The following RBFOX2 variants were observed in gnomAD, a reference collection of about 807,000 sequenced individuals.
RBFOX2 encodes the protein RNA binding fox-1 homolog 2, also known as RNA binding protein fox-1 homolog 2.
A neutral mutation model predicts 49.1 loss-of-function variants in RBFOX2; 10 were observed. The observed-to-expected ratio is 0.20, with a 90% CI of 0.13 to 0.35. The LOEUF is 0.35. RBFOX2 is among the 10% of genes least tolerant of loss of function. RBFOX2 has a pLI of 1.00. For missense variants in RBFOX2, 323 were observed against 486.9 expected (o/e 0.66, Z 3.17); for synonymous variants, 183 against 187.4 (o/e 0.98, Z 0.19).
intron 2 of RBFOX2, among the ~76,000 whole-genome samples, chr22:35,787,153 C>A (rs1041318906): frequency 6.6e-6 from 1 of 152,156 alleles, no homozygotes; most frequent in African/African-American, 2.4e-5. Flanking sequence ...GATCCTCCTG[C>A]CTTAGCCTCC....
At chr22:35,944,110 C>G (rs1015175167) in intron 1 of RBFOX2, among the ~76,000 whole-genome samples, 4 of 152,214 alleles carry the variant, frequency 2.6e-5, no homozygotes, top group African/African-American at 9.6e-5. Context: ...CTTTGAGAAA[C>G]ATAGTGCTGG....
At chr22:35,882,994 C>T (rs1280113239) in intron 1 of RBFOX2, among the ~76,000 whole-genome samples, 1 of 152,172 alleles carries the variant, frequency 6.6e-6, no homozygotes, top group Non-Finnish European at 1.5e-5. Context: ...TTGGGGGGCA[C>T]AAAAGAGTCA....
At chr22:35,953,521 G>T (rs752558969) in intron 1 of RBFOX2, among the ~76,000 whole-genome samples, 1 of 152,158 alleles carries the variant, frequency 6.6e-6, no homozygotes, top group African/African-American at 2.4e-5. Flanking sequence ...CAGGATGATT[G>T]CTTAATGGAT....
intron 1 of RBFOX2, among the ~76,000 whole-genome samples, chr22:35,876,393 T>C (rs988774875): frequency 2.2e-4 from 33 of 152,038 alleles, no homozygotes; most frequent in Non-Finnish European, 2.9e-5. Context: ...GTGGTCTTTA[T>C]TTCTGAAATG....
chr22:35,914,069 G>C (rs889034073), intron 1 of RBFOX2, among the ~76,000 whole-genome samples: 1 of 152,138 alleles, frequency 6.6e-6, no homozygotes, highest in Admixed American at 6.5e-5. Flanking sequence ...AGGAGTTAAA[G>C]AATATCAGAG....
chr22:35,998,609 TC>T (rs1603464338), intron 1 of RBFOX2: 1 of 152,342 alleles, frequency 6.6e-6, no homozygotes, highest in East Asian at 1.9e-4. Flanking sequence ...ACTCCTGACC[TC>T]AGGTGATCCA....
intron 1 of RBFOX2, chr22:35,898,466 C>G: frequency 2.4e-6 from 1 of 409,732 alleles, no homozygotes; most frequent in South Asian, 2.3e-5. Flanking sequence ...CACTCTGTAG[C>G]CCAGGCTGCA....
chr22:35,829,455 G>T (rs992211921), intron 1 of RBFOX2, among the ~76,000 whole-genome samples: 3 of 151,828 alleles, frequency 2.0e-5, no homozygotes, highest in African/African-American at 7.3e-5. Context: ...TATAATCTGA[G>T]ATTTAAAAAA....
intron 2 of RBFOX2, among the ~76,000 whole-genome samples, chr22:35,804,133 C>G (rs941670342): frequency 6.6e-6 from 1 of 152,056 alleles, no homozygotes; most frequent in African/African-American, 2.4e-5. Flanking sequence ...CAAAAATGAG[C>G]TGGGCATGGT....
At chr22:35,787,887 C>T (rs1946752612) in intron 2 of RBFOX2, among the ~76,000 whole-genome samples, 1 of 152,178 alleles carries the variant, frequency 6.6e-6, no homozygotes, top group African/African-American at 2.4e-5. Flanking sequence ...AGTCCGTTCA[C>T]CGACAGTTTA....
intron 1 of RBFOX2, among the ~76,000 whole-genome samples, chr22:36,015,809 A>C (rs1379032333): frequency 6.6e-6 from 1 of 152,250 alleles, no homozygotes; most frequent in East Asian, 1.9e-4. Flanking sequence ...ACCCGAAATT[A>C]TTACTTACCC....
At chr22:35,905,572 C>T (rs757641880) in intron 1 of RBFOX2, among the ~76,000 whole-genome samples, 7 of 152,182 alleles carry the variant, frequency 4.6e-5, no homozygotes, top group Non-Finnish European at 1.0e-4. Context: ...GGTTAGGATA[C>T]TCAGCCATGA....
chr22:35,839,861 T>C (rs1958410076), intron 1 of RBFOX2, among the ~76,000 whole-genome samples: 1 of 152,188 alleles, frequency 6.6e-6, no homozygotes, highest in Non-Finnish European at 1.5e-5. Flanking sequence ...AATCTCTTCC[T>C]ACCTCTGCAG....
intron 1 of RBFOX2, among the ~76,000 whole-genome samples, chr22:35,873,681 A>G (rs994584359): frequency 1.3e-5 from 2 of 152,084 alleles, no homozygotes; most frequent in African/African-American, 4.8e-5. Flanking sequence ...TGCCACTGAG[A>G]CTGCAGAACA....
rs1289842750 is a variant in RBFOX2, at chr22:35,977,722, C to CTATAGATATATATA, written c.187-38826_187-38825insTATATATATCTATA. On this transcript the variant is annotated intron_variant, in intron 1 of 13. Transcript: ENST00000438146. ...TGCATGTAAATTATACCTGAATGAA[C>CTATAGATATATATA]TATATATATATATATATATATATAT... Among the ~76,000 whole-genome samples, 48 of 80,876 alleles carry CTATAGATATATATA rather than the reference C, an allele frequency of 5.9e-4. 2 individuals carry two copies. The highest frequency in any genetic ancestry group is 7.0e-3 in the Middle Eastern group (1 of 142). 53.1% of individuals were successfully genotyped at this position (80,876 alleles called of 152,430 possible). A position where few individuals can be genotyped will look rare whatever the true frequency, so the allele number is the denominator to read the frequency against.
intron 1 of RBFOX2, among the ~76,000 whole-genome samples, chr22:35,876,466 G>A (rs755262741): frequency 7.9e-5 from 12 of 151,780 alleles, no homozygotes; most frequent in South Asian, 2.1e-4. Context: ...TCCTTGTAAC[G>A]TTTATTAATA....
intron 2 of RBFOX2, among the ~76,000 whole-genome samples, chr22:35,802,483 C>CT (rs1241891748): frequency 6.6e-6 from 1 of 152,132 alleles, no homozygotes; most frequent in East Asian, 1.9e-4. Flanking sequence ...ATTGCTTAAA[C>CT]TTAGGGGCAA....
chr22:35,795,628 CAAAAAAAAAAA>C (rs139555281), intron 2 of RBFOX2, among the ~76,000 whole-genome samples: 6 of 33,570 alleles, frequency 1.8e-4, no homozygotes, highest in African/African-American at 2.3e-4. Context: ...TGTAGAAAAG[CAAAAAAAAAAA>C]AAAAAAAAAA....
rs2056744644 is a variant in RBFOX2 at position 35,969,320 on chromosome 22, C to T, written c.187-30423G>A. Among the ~76,000 whole-genome samples, 3 of 152,104 alleles carry T rather than the reference C, an allele frequency of 2.0e-5. No homozygotes were observed. The South Asian group carries it at 6.2e-4, about 32-fold the overall frequency. On this transcript the variant is annotated intron_variant, in intron 1 of 13. Transcript: ENST00000438146. ...GGGCACAGTGGCTCACGCCTGTAAT[C>T]CCAGCACTTTGGGAGGCCAAGGCAG...
Sources: gnomAD v4.1 joint callset for allele counts (sites outside exome capture counted in the v4.1 genomes callset) on GRCh38, gnomAD v4.1.1 for gene constraint, MANE v1.5 for transcripts, NCBI Gene and HGNC (gene_info 2026-07-23, HGNC 2026-07-21) for gene names.